The following JARID2 variants were observed in gnomAD, a reference collection of about 807,000 sequenced individuals.
JARID2 encodes the protein protein Jumonji.
In JARID2, 21 loss-of-function variants were observed where a neutral mutation model predicts 125.6. The observed-to-expected ratio is 0.17, with a 90% CI of 0.12 to 0.24. The LOEUF is 0.24. Among genes scored for constraint, JARID2 ranks in the 10% least tolerant of loss-of-function variants. The probability of loss-of-function intolerance (pLI) is 1.00; values close to 1 mark genes in which losing one functional copy is unlikely to be tolerated. For synonymous variants in JARID2, 736 were observed against 661.6 expected (o/e 1.11, Z -1.73); for missense variants, 1,303 against 1,639.6 (o/e 0.79, Z 3.55).
chr6:15,324,540 G>A (rs1339534870), intron 1 of JARID2: 1 of 151,930 alleles, frequency 6.6e-6, no homozygotes, highest in Non-Finnish European at 1.5e-5. Context: ...CCAGGCTGGA[G>A]GTTCACTGCA....
intron 2 of JARID2, among the ~76,000 whole-genome samples, chr6:15,376,059 T>A (rs903544478): frequency 2.6e-5 from 4 of 152,190 alleles, no homozygotes; most frequent in Non-Finnish European, 5.9e-5. Context: ...TAGGTTTAGC[T>A]CTGGCAGAGT....
At chr6:15,429,559 G>A (rs538509330) in intron 3 of JARID2, among the ~76,000 whole-genome samples, 2 of 152,194 alleles carry the variant, frequency 1.3e-5, no homozygotes, top group South Asian at 2.1e-4. Context: ...CTGAGCCACC[G>A]CACTCCACTG....
intron 3 of JARID2, among the ~76,000 whole-genome samples, chr6:15,448,615 A>C (rs1192430931): frequency 6.6e-6 from 1 of 152,172 alleles, no homozygotes; most frequent in African/African-American, 2.4e-5. Flanking sequence ...AGAATTAAAA[A>C]CCAGCAATTT....
intron 5 of JARID2, among the ~76,000 whole-genome samples, chr6:15,470,174 C>CT (rs1351092537): frequency 1.3e-5 from 1 of 78,606 alleles, no homozygotes; most frequent in Non-Finnish European, 2.4e-5. Flanking sequence ...GAGACTCTGT[C>CT]TCAAAAAAAA....
At chr6:15,308,597 T>C (rs1312741001) in intron 1 of JARID2, among the ~76,000 whole-genome samples, 2 of 152,208 alleles carry the variant, frequency 1.3e-5, no homozygotes, top group Non-Finnish European at 2.9e-5. Context: ...CTTCCTTCCT[T>C]AAAAACAACG....
intron 2 of JARID2, among the ~76,000 whole-genome samples, chr6:15,388,991 C>T (rs1194304418): frequency 6.6e-6 from 1 of 152,084 alleles, no homozygotes; most frequent in African/African-American, 2.4e-5. Context: ...GTACTGCCAT[C>T]TTGGTGACGG....
At chr6:15,315,862 T>G (rs911238755) in intron 1 of JARID2, among the ~76,000 whole-genome samples, 3 of 152,170 alleles carry the variant, frequency 2.0e-5, no homozygotes, top group African/African-American at 7.2e-5. Context: ...TCATTAGTGA[T>G]TTCAGACATG....
intron 4 of JARID2, among the ~76,000 whole-genome samples, chr6:15,462,259 A>G: frequency 6.6e-6 from 1 of 152,174 alleles, no homozygotes; most frequent in South Asian, 2.1e-4. Flanking sequence ...GCGAATTGGG[A>G]AATTCTGTTT....
intron 1 of JARID2, among the ~76,000 whole-genome samples, chr6:15,269,651 C>T (rs1312698638): frequency 6.6e-6 from 1 of 151,050 alleles, no homozygotes; most frequent in East Asian, 1.9e-4. Context: ...CCTCAATCAT[C>T]CCACCTCAGC....
intron 3 of JARID2, among the ~76,000 whole-genome samples, chr6:15,441,674 G>C (rs1287711554): frequency 6.6e-6 from 1 of 152,206 alleles, no homozygotes; most frequent in Non-Finnish European, 1.5e-5. Flanking sequence ...GTGCTGAATG[G>C]ATGGTTAGGA....
At chr6:15,384,396 C>T (rs1431240204) in intron 2 of JARID2, among the ~76,000 whole-genome samples, 1 of 143,952 alleles carries the variant, frequency 6.9e-6, no homozygotes, top group Non-Finnish European at 1.5e-5. Flanking sequence ...TTTGGATAGG[C>T]CTCATGAAGT....
chr6:15,471,434 C>A (rs531600867), intron 5 of JARID2, among the ~76,000 whole-genome samples: 1 of 152,238 alleles, frequency 6.6e-6, no homozygotes, highest in South Asian at 2.1e-4. Flanking sequence ...CATGGAATTA[C>A]CCTCATCTGT....
chr6:15,297,274 C>T (rs1331935223), intron 1 of JARID2, among the ~76,000 whole-genome samples: 1 of 152,052 alleles, frequency 6.6e-6, no homozygotes, highest in Admixed American at 6.6e-5. Flanking sequence ...CTCAGCCTCC[C>T]GAGTAGCTGG....
At chr6:15,406,465 T>TA (rs1208989804) in intron 2 of JARID2, among the ~76,000 whole-genome samples, 4 of 152,080 alleles carry the variant, frequency 2.6e-5, no homozygotes, top group African/African-American at 9.7e-5. Context: ...TATGGCCCTT[T>TA]AATTTGTATA....
intron 12 of JARID2, chr6:15,509,205 CTCTTTGGTG>C (rs1386587349): frequency 4.8e-5 from 60 of 1,237,424 alleles, no homozygotes; most frequent in Non-Finnish European, 6.0e-5. Context: ...CGAGGCTGGA[CTCTTTGGTG>C]TCTTTGTTTA....
intron 2 of JARID2, among the ~76,000 whole-genome samples, chr6:15,390,380 C>G (rs544984562): frequency 1.3e-3 from 204 of 152,270 alleles, no homozygotes; most frequent in African/African-American, 4.7e-3. Context: ...CACTGCCGCA[C>G]ACTCAGGTCA....
chr6:15,381,997 A>G (rs1764606764), intron 2 of JARID2, among the ~76,000 whole-genome samples: 1 of 152,178 alleles, frequency 6.6e-6, no homozygotes, highest in Non-Finnish European at 1.5e-5. Context: ...TTAACAACCA[A>G]ATGGGGCTGG....
intron 1 of JARID2, among the ~76,000 whole-genome samples, chr6:15,302,822 C>A (rs982428380): frequency 6.6e-6 from 1 of 152,212 alleles, no homozygotes; most frequent in South Asian, 2.1e-4. Flanking sequence ...GCAACCTCCG[C>A]CTCCTGGGTT....
chr6:15,496,852 G>C lies in JARID2; in HGVS notation c.1627G>C (p.Glu543Gln). The change falls in exon 7 of 18, where the codon GAG becomes CAG. Residue 543 changes from glutamate (E) to glutamine (Q), a missense_variant. Physicochemically the swap from Glu to Gln is conservative, Grantham distance 29. This residue lies in a region of JARID2 where 651 missense variants were observed against 581.6 expected (regional missense o/e 1.12). Coordinates refer to ENST00000341776, the MANE Select transcript of JARID2 (RefSeq NM_004973.4). ...VHKPQDSGKA[E>Q]KGGGKAGWAA... The stretch of plus-strand genomic sequence containing the variant: ...CAAGCCGCAGGACTCGGGCAAGGCC[G>C]AGAAGGGCGGCGGCAAGGCCGGGTG... 6.2e-7 allele frequency: 1 copy of C among 1,601,570 alleles called. No individual in the cohort carries two copies. Among genetic ancestry groups the C allele is most frequent in the Middle Eastern group, 1.7e-4 (1 of 6,020 alleles).
Sources: allele counts gnomAD v4.1 joint callset (sites outside exome capture counted in the v4.1 genomes callset), GRCh38; gene constraint gnomAD v4.1.1; regional missense constraint gnomAD v4.1.1; transcripts MANE v1.5; gene names NCBI Gene and HGNC (gene_info 2026-07-23, HGNC 2026-07-21).